Variants in ADAMTSL3 observed in about 807,000 individuals in gnomAD.
The protein encoded by ADAMTSL3 is ADAMTS like 3, also known as ADAMTS-like protein 3.
Under a neutral mutation model 201.7 loss-of-function variants are expected in ADAMTSL3, and 128 were observed. The observed-to-expected ratio is 0.63, with a 90% CI of 0.55 to 0.73. The LOEUF (loss-of-function observed/expected upper bound fraction) is 0.73, where lower values mean the gene tolerates loss of function less well. Ranked by LOEUF, ADAMTSL3 falls within the 30% of genes least tolerant of loss-of-function variation. The pLI is 0.00. For synonymous variants in ADAMTSL3, 738 were observed against 748.4 expected (o/e 0.99, Z 0.23); for missense variants, 1,990 against 2,119.6 (o/e 0.94, Z 1.20).
Position 83,707,811 on chromosome 15 carries a change from G to T in ADAMTSL3, c.189+3303G>T, listed in dbSNP as rs182302375. 2.6e-5 allele frequency among the ~76,000 whole-genome samples: 4 copies of T among 152,314 alleles called. No homozygotes were observed. In the East Asian group the frequency reaches 7.7e-4, roughly 29 times the overall value. On this transcript the variant is annotated intron_variant, in intron 3 of 29. Transcript: ENST00000286744. ...ATAATATAGGGTTTAATGTCTAGCA[G>T]CCAGTTGTACTCTTTGGAACAAATT...
intron 19 of ADAMTSL3, among the ~76,000 whole-genome samples, chr15:83,958,348 T>C (rs1012989245): frequency 8.5e-5 from 13 of 152,128 alleles, no homozygotes; most frequent in African/African-American, 3.1e-4. Flanking sequence ...CCAAGAAAAG[T>C]TGTCAGAATT....
At chr15:83,862,576 T>A (rs1332892630) in intron 8 of ADAMTSL3, 1 of 152,146 alleles carries the variant, frequency 6.6e-6, no homozygotes, top group African/African-American at 2.4e-5. Context: ...TGCTGAGAGA[T>A]TTTGTCACCA....
chr15:84,022,545 A>ACAT (rs1188319181), intron 26 of ADAMTSL3, among the ~76,000 whole-genome samples: 2 of 152,244 alleles, frequency 1.3e-5, no homozygotes, highest in Admixed American at 1.3e-4. Context: ...AATATATTTT[A>ACAT]CATTTTTGCT....
chr15:83,804,363 A>G (rs560563766), intron 4 of ADAMTSL3, among the ~76,000 whole-genome samples: 21 of 152,290 alleles, frequency 1.4e-4, no homozygotes, highest in Admixed American at 1.3e-4. Flanking sequence ...CATATTGTAC[A>G]TTAATTGTAG....
intron 9 of ADAMTSL3, among the ~76,000 whole-genome samples, chr15:83,876,993 C>T (rs1010665863): frequency 5.3e-5 from 8 of 152,152 alleles, no homozygotes; most frequent in Admixed American, 3.9e-4. Context: ...AGGGTTTCAC[C>T]CTATTGGCCA....
Position 83,678,779 on chromosome 15 carries a change from T to C in ADAMTSL3, c.69+22949T>C, listed in dbSNP as rs1042643400. 2.1e-4 allele frequency among the ~76,000 whole-genome samples: 25 copies of C among 119,068 alleles called. No homozygotes were observed. The East Asian group carries it at 4.1e-3, about 19-fold the overall frequency. The allele number at this position is 119,068 out of a possible 152,430, so 78.1% of individuals were successfully genotyped here. ...TATATATTGTGTATATATATAACAT[T>C]AATATATATGTATATATAATATATA... On this transcript the variant is annotated intron_variant, in intron 2 of 29. Transcript: ENST00000286744.
chr15:83,941,869 A>C (rs371266111), intron 17 of ADAMTSL3, among the ~76,000 whole-genome samples: 1 of 152,190 alleles, frequency 6.6e-6, no homozygotes. Flanking sequence ...AATATCCACA[A>C]ATTAAAATAA....
intron 3 of ADAMTSL3, among the ~76,000 whole-genome samples, chr15:83,721,175 G>A (rs369047984): frequency 2.1e-4 from 32 of 152,146 alleles, no homozygotes; most frequent in African/African-American, 7.7e-4. Context: ...TAGCAAAATT[G>A]GCCCTACCTG....
At chr15:83,823,960 TCTTCTTCTTCTTCTCCTCCTC>T (rs1471413147) in intron 6 of ADAMTSL3, among the ~76,000 whole-genome samples, 40 of 64,292 alleles carry the variant, frequency 6.2e-4, no homozygotes, top group Non-Finnish European at 1.2e-3. Flanking sequence ...TTCTTCTTCT[TCTTCTTCTTCTTCTCCTCCTC>T]CTCCTCCTCC....
rs141684042 is a variant in ADAMTSL3, at chr15:83,769,108, T to G, written c.190-4415T>G. ...TAGAATCAAGATTCTTTTTTTTTTT[T>G]GTAAGTTAAGGTAGAGAAGTTATGG... On this transcript the variant is annotated intron_variant, in intron 3 of 29. Transcript: ENST00000286744. 2.0e-3 allele frequency among the ~76,000 whole-genome samples: 302 copies of G among 152,216 alleles called. 1 individual carries two copies. Among genetic ancestry groups the G allele is most frequent in the African/African-American group, 7.0e-3 (289 of 41,548 alleles).
At chr15:83,685,564 T>G (rs1430399097) in intron 2 of ADAMTSL3, among the ~76,000 whole-genome samples, 5 of 152,366 alleles carry the variant, frequency 3.3e-5, no homozygotes, top group Non-Finnish European at 5.9e-5. Context: ...TCCTCTTATA[T>G]TTTCTTCTAA....
intron 17 of ADAMTSL3, among the ~76,000 whole-genome samples, chr15:83,931,163 C>A (rs2066348855): frequency 6.6e-6 from 1 of 152,162 alleles, no homozygotes; most frequent in Non-Finnish European, 1.5e-5. Flanking sequence ...CATAATGGTC[C>A]TGCTAGTCTG....
chr15:83,745,759 T>C (rs1008873120), intron 3 of ADAMTSL3, among the ~76,000 whole-genome samples: 6 of 152,228 alleles, frequency 3.9e-5, no homozygotes, highest in African/African-American at 1.2e-4. Context: ...ATTAATTCAA[T>C]GAAGTGAAAA....
intron 20 of ADAMTSL3, among the ~76,000 whole-genome samples, chr15:83,981,633 T>G (rs2067386376): frequency 6.6e-6 from 1 of 152,254 alleles, no homozygotes; most frequent in African/African-American, 2.4e-5. Flanking sequence ...AAACTGCCTA[T>G]GCCACCTGTT....
intron 15 of ADAMTSL3, 39 bp from the exon 16 acceptor site, chr15:83,913,053 C>T (rs1596396150): frequency 1.2e-6 from 2 of 1,600,276 alleles, no homozygotes; most frequent in Non-Finnish European, 1.7e-6. Context: ...TTTAATGACC[C>T]TCAGTGTCCT....
chr15:83,914,367 A>G (rs2065990172), intron 16 of ADAMTSL3, among the ~76,000 whole-genome samples: 1 of 152,184 alleles, frequency 6.6e-6, no homozygotes, highest in South Asian at 2.1e-4. Flanking sequence ...CTCACTCTTG[A>G]GCCTGAATTC....
intron 3 of ADAMTSL3, chr15:83,739,894 A>T: frequency 1.7e-6 from 1 of 591,824 alleles, no homozygotes. Flanking sequence ...ACCAGATGCC[A>T]GTGACAAGAC....
At chr15:84,010,502 A>G (rs1292271385) in intron 23 of ADAMTSL3, among the ~76,000 whole-genome samples, 1 of 152,234 alleles carries the variant, frequency 6.6e-6, no homozygotes, top group Non-Finnish European at 1.5e-5. Context: ...TTATGCATTC[A>G]GCAAACATTC....
At chr15:83,674,185 C>T (rs2061362762) in intron 2 of ADAMTSL3, among the ~76,000 whole-genome samples, 1 of 150,286 alleles carries the variant, frequency 6.7e-6, no homozygotes, top group Non-Finnish European at 1.5e-5. Context: ...TGAAGATTTT[C>T]TCCTATGTTT....
Sources: allele counts gnomAD v4.1 joint callset (sites outside exome capture counted in the v4.1 genomes callset), GRCh38; gene constraint gnomAD v4.1.1; transcripts MANE v1.5; gene names NCBI Gene and HGNC (gene_info 2026-07-23, HGNC 2026-07-21).